NELL1: variants seen among roughly 807,000 people sequenced by gnomAD.
The protein encoded by NELL1 is protein kinase C-binding protein NELL1.
NELL1 carries 76 observed loss-of-function variants against 107.4 expected under a neutral mutation model. The observed-to-expected ratio is 0.71, with a 90% CI of 0.59 to 0.86. The LOEUF (loss-of-function observed/expected upper bound fraction) is 0.86, where lower values mean the gene tolerates loss of function less well. Among genes scored for constraint, NELL1 ranks in the 40% least tolerant of loss-of-function variants. NELL1 has a pLI of 0.00. For synonymous variants in NELL1, 353 were observed against 341.2 expected (o/e 1.03, Z -0.38); for missense variants, 1,024 against 1,005.5 (o/e 1.02, Z -0.25).
chr11:20,841,162 A>G (rs1421160009), intron 3 of NELL1, among the ~76,000 whole-genome samples: 1 of 152,156 alleles, frequency 6.6e-6, no homozygotes, highest in Non-Finnish European at 1.5e-5. Context: ...TCTCTGCTCC[A>G]TGAAGTCATT....
Position 20,815,938 on chromosome 11 carries a change from A to G in NELL1, c.336-31645A>G, listed in dbSNP as rs915553061. Among the ~76,000 whole-genome samples, 3 of 152,102 alleles carry G rather than the reference A, an allele frequency of 2.0e-5. No individual in the cohort carries two copies. In the South Asian group the frequency reaches 6.2e-4, roughly 31 times the overall value. ...CCTTTCCCCATTGCTTATTTTTGTC[A>G]ACTTTACCAAAGATCAGATGATTGT... On this transcript the variant is annotated intron_variant, in intron 3 of 19. Transcript: ENST00000357134.
intron 12 of NELL1, among the ~76,000 whole-genome samples, chr11:21,070,962 C>T (rs1292850438): frequency 1.3e-5 from 2 of 152,146 alleles, no homozygotes; most frequent in Non-Finnish European, 2.9e-5. Flanking sequence ...AACTGACAAA[C>T]ACATCTCCCA....
intron 12 of NELL1, among the ~76,000 whole-genome samples, chr11:21,015,867 A>G (rs969578057): frequency 7.2e-5 from 11 of 152,072 alleles, no homozygotes; most frequent in Non-Finnish European, 1.3e-4. Context: ...CCTCCTGCTA[A>G]TCATCCTTGC....
At chr11:20,985,408 G>T (rs967959467) in intron 12 of NELL1, among the ~76,000 whole-genome samples, 2 of 152,218 alleles carry the variant, frequency 1.3e-5, no homozygotes, top group Non-Finnish European at 2.9e-5. Flanking sequence ...ACTTTGCTGA[G>T]TGGTAAGTAG....
chr11:21,256,832 C>T (rs1321209851), intron 14 of NELL1, among the ~76,000 whole-genome samples: 1 of 151,826 alleles, frequency 6.6e-6, no homozygotes, highest in Non-Finnish European at 1.5e-5. Context: ...GAGGTGAGCA[C>T]CGGAAGCACG....
chr11:20,848,915 T>C (rs943082863), intron 4 of NELL1, among the ~76,000 whole-genome samples: 2 of 152,200 alleles, frequency 1.3e-5, no homozygotes, highest in Non-Finnish European at 2.9e-5. Flanking sequence ...CTTTTTAGAC[T>C]TCTGAAGAAT....
chr11:21,131,730 A>G (rs1855623212), intron 13 of NELL1, among the ~76,000 whole-genome samples: 1 of 152,138 alleles, frequency 6.6e-6, no homozygotes. Flanking sequence ...GGTCCCTTTT[A>G]GTTTTACACT....
chr11:21,289,919 A>C (rs544586378), intron 14 of NELL1, among the ~76,000 whole-genome samples: 4 of 152,166 alleles, frequency 2.6e-5, no homozygotes, highest in African/African-American at 9.6e-5. Context: ...CCGAAAAGCC[A>C]CTTAGCCAGA....
chr11:21,174,317 ATATGTGGTAGCTTACAAAAAAC>A (rs1358386324), intron 13 of NELL1, among the ~76,000 whole-genome samples: 3 of 151,890 alleles, frequency 2.0e-5, no homozygotes, highest in Non-Finnish European at 2.9e-5. Context: ...CCCACAAAAT[ATATGTGGTAGCTTACAAAAAAC>A]TATGTCTTCT....
intron 2 of NELL1, among the ~76,000 whole-genome samples, chr11:20,731,547 C>T (rs1855644242): frequency 6.6e-6 from 1 of 152,116 alleles, no homozygotes; most frequent in South Asian, 2.1e-4. Flanking sequence ...TGCTCAATAC[C>T]CATGTGTCTG....
chr11:20,743,086 C>G (rs750015490), intron 2 of NELL1, among the ~76,000 whole-genome samples: 6 of 151,930 alleles, frequency 3.9e-5, no homozygotes, highest in Admixed American at 1.3e-4. Context: ...GGCACGGGAG[C>G]TCACACCTGT....
chr11:20,961,249 A>G (rs10833415), intron 12 of NELL1, among the ~76,000 whole-genome samples: 3 of 151,622 alleles, frequency 2.0e-5, no homozygotes. Context: ...CATTGCATAT[A>G]TCTATTACCT....
intron 15 of NELL1, among the ~76,000 whole-genome samples, chr11:21,520,674 G>A (rs1002478739): frequency 2.0e-5 from 3 of 152,152 alleles, no homozygotes; most frequent in Admixed American, 2.0e-4. Context: ...GGGTTAAGGT[G>A]TCACTTACAA....
chr11:21,468,544 CCCAATCT>C (rs1564909366), intron 15 of NELL1, among the ~76,000 whole-genome samples: 1 of 151,954 alleles, frequency 6.6e-6, no homozygotes, highest in East Asian at 1.9e-4. Context: ...GCATGCCTTG[CCCAATCT>C]CCAATTTGCT....
intron 13 of NELL1, among the ~76,000 whole-genome samples, chr11:21,203,612 A>C (rs995424523): frequency 6.6e-6 from 1 of 152,092 alleles, no homozygotes; most frequent in African/African-American, 2.4e-5. Context: ...GCCCATTTAC[A>C]TTTAAGGATA....
At chr11:21,444,312 A>T (rs1210774572) in intron 15 of NELL1, among the ~76,000 whole-genome samples, 2 of 152,056 alleles carry the variant, frequency 1.3e-5, no homozygotes, top group Non-Finnish European at 2.9e-5. Context: ...AAATACATAT[A>T]TTTCATCTTT....
At chr11:21,247,175 C>G (rs1170630987) in intron 14 of NELL1, among the ~76,000 whole-genome samples, 1 of 152,100 alleles carries the variant, frequency 6.6e-6, no homozygotes, top group Non-Finnish European at 1.5e-5. Context: ...ATGTGAAGGC[C>G]TAGGACATTG....
Position 20,885,525 on chromosome 11 carries a change from G to A in NELL1, c.588G>A (p.Lys196=). The A allele has an allele frequency of 6.2e-7, 1 of 1,608,018 alleles. No homozygotes were observed. Among genetic ancestry groups the A allele is most frequent in the Non-Finnish European group, 8.5e-7 (1 of 1,174,494 alleles). ...TATGGCTTGGCCAGCGCAACCAAAA[G>A]CATGGCTTATTCAAAGTAAGCACTA... is the stretch of plus-strand genomic sequence containing the variant. ...INLWLGQRNQ[K]HGLFKGIIQD... The change falls in exon 5 of 20, where the codon AAG becomes AAA. Residue 196 remains lysine (K), a synonymous_variant. Coordinates refer to ENST00000357134, the MANE Select transcript of NELL1 (RefSeq NM_006157.5).
chr11:20,712,599 G>A (rs1412615962), intron 2 of NELL1, among the ~76,000 whole-genome samples: 1 of 152,158 alleles, frequency 6.6e-6, no homozygotes, highest in South Asian at 2.1e-4. Context: ...TCTCTTTTGG[G>A]TAGAGTAATC....
Sources: allele counts gnomAD v4.1 joint callset (sites outside exome capture counted in the v4.1 genomes callset), GRCh38; gene constraint gnomAD v4.1.1; transcripts MANE v1.5; gene names NCBI Gene and HGNC (gene_info 2026-07-23, HGNC 2026-07-21).